The following GPHB5 variants were observed in gnomAD, a reference collection of about 807,000 sequenced individuals.
GPHB5 encodes glycoprotein hormone subunit beta 5, also known as glycoprotein hormone beta-5.
Under a neutral mutation model 10.1 loss-of-function variants are expected in GPHB5, and 7 were observed. That is an observed-to-expected ratio of 0.69 (90% CI 0.39 to 1.30). The LOEUF is 1.30. Among genes scored for constraint, GPHB5 ranks in the 50% most tolerant of loss-of-function variants. GPHB5 has a pLI of 0.01. For synonymous variants in GPHB5, 68 were observed against 70.1 expected, an observed-to-expected ratio of 0.97 and a Z score of 0.15; for missense variants, 161 against 169.8, an observed-to-expected ratio of 0.95 and a Z score of 0.29.
chr14:63,318,591 T>C (rs907479028), intron 1 of GPHB5, among the ~76,000 whole-genome samples: 6 of 152,354 alleles, frequency 3.9e-5, no homozygotes, highest in African/African-American at 9.6e-5. Context: ...CCACCCTCTC[T>C]GGGTCTTGGT....
intron 2 of GPHB5, among the ~76,000 whole-genome samples, chr14:63,315,268 T>C (rs1210346063): frequency 6.6e-6 from 1 of 152,138 alleles, no homozygotes; most frequent in Non-Finnish European, 1.5e-5. Context: ...AACTGTTTTC[T>C]CCTACCTTCC....
Position 63,315,611 on chromosome 14 carries a change from T to C in GPHB5, c.204+2035A>G, listed in dbSNP as rs535687624. ...ATAGCTATTTTCAACAACCTTCAAA[T>C]GTAAATCCAGCCAGCCTGTCATCAT... On this transcript the variant is annotated intron_variant, in intron 2 of 2. Coordinates refer to ENST00000621500, the MANE Select transcript of GPHB5 (RefSeq NM_145171.4). 4.6e-5 allele frequency among the ~76,000 whole-genome samples: 7 copies of C among 152,312 alleles called. 1 individual carries two copies. In the South Asian group the frequency reaches 1.5e-3, roughly 32 times the overall value.
At position 63,317,921 on chromosome 14, in the gene GPHB5, C is replaced by G; in HGVS notation, c.-1-71G>C. On this transcript the variant is annotated intron_variant, in intron 1 of 2. Coordinates refer to ENST00000621500, the MANE Select transcript of GPHB5 (RefSeq NM_145171.4). ...GCCTTCAATGGCACAGCCAACCATG[C>G]ATTTGTCACTATCAAAGGGACCTTG... 2.2e-6 allele frequency: 3 copies of G among 1,385,238 alleles called. No homozygotes were observed. In the Admixed American group the frequency reaches 5.7e-5, roughly 26 times the overall value. The allele number at this position is 1,385,238 out of a possible 1,614,324, so 85.8% of individuals were successfully genotyped here. A position where few individuals can be genotyped will look rare whatever the true frequency, so the allele number is the denominator to read the frequency against.
At chr14:63,314,492 C>G (rs1882733726) in intron 2 of GPHB5, among the ~76,000 whole-genome samples, 1 of 151,288 alleles carries the variant, frequency 6.6e-6, no homozygotes, top group Non-Finnish European at 1.5e-5. Context: ...GCAATCTCAG[C>G]TCATTGCAAT....
Position 63,313,199 on chromosome 14 carries a change from A to G in GPHB5, c.205-83T>C, listed in dbSNP as rs574998580. ...TTTTAGTATCATTTATCACTATCAG[A>G]AATTAACTTGTTATTCGTTGATTTA... On this transcript the variant is annotated intron_variant, in intron 2 of 2. Transcript: ENST00000621500. The G allele has an allele frequency of 1.8e-5, 22 of 1,195,692 alleles. No homozygotes were observed. The East Asian group carries it at 2.6e-4, about 14-fold the overall frequency. 74.1% of individuals were successfully genotyped at this position (1,195,692 alleles called of 1,614,324 possible). A position where few individuals can be genotyped will look rare whatever the true frequency, so the allele number is the denominator to read the frequency against.
chr14:63,316,657 G>A (rs1189273478), intron 2 of GPHB5, among the ~76,000 whole-genome samples: 4 of 152,214 alleles, frequency 2.6e-5, no homozygotes, highest in South Asian at 2.1e-4. Context: ...AGGGATATGA[G>A]GGAAGGAACA....
rs536665506 is a variant in GPHB5 at position 63,317,708 on chromosome 14, G to A, written c.142C>T (p.Pro48Ser). Reference sequence around the variant, plus strand: ...GTGATCCGAAGGCCCCTGCAGCCTGGCTTCTTGGCCAGGAAAGTAAACTCC... The same window carrying A: ...GTGATCCGAAGGCCCCTGCAGCCTGACTTCTTGGCCAGGAAAGTAAACTCC... ...VREFTFLAKK[P>S]GCRGLRITTD... Residue 48 changes from proline to serine, a missense_variant, in exon 2 of 3, where the codon CCA becomes TCA. Physicochemically the swap from Pro to Ser is moderately conservative, Grantham distance 74 (BLOSUM62 -1). Coordinates refer to ENST00000621500, the MANE Select transcript of GPHB5 (RefSeq NM_145171.4). 5 of 1,614,010 alleles carry A rather than the reference G, an allele frequency of 3.1e-6. No individual in the cohort carries two copies. The Admixed American group carries it at 6.7e-5, about 22-fold the overall frequency.
At chr14:63,316,252 T>C (rs753618944) in intron 2 of GPHB5, among the ~76,000 whole-genome samples, 47 of 152,234 alleles carry the variant, frequency 3.1e-4, no homozygotes, top group Non-Finnish European at 6.0e-4. Flanking sequence ...AGGGCCGTAA[T>C]TGTACCTAAG....
intron 2 of GPHB5, 56 bp from the exon 3 acceptor site, chr14:63,313,172 T>G: frequency 7.3e-7 from 1 of 1,361,054 alleles, no homozygotes; most frequent in Non-Finnish European, 1.0e-6. Context: ...CTTGTTTCAG[T>G]TTTTTAGTAT....
At chr14:63,315,583 G>A (rs1882758159) in intron 2 of GPHB5, among the ~76,000 whole-genome samples, 1 of 152,078 alleles carries the variant, frequency 6.6e-6, no homozygotes, top group African/African-American at 2.4e-5. Flanking sequence ...CAGATTATGA[G>A]GAATAGCTAT....
At chr14:63,314,778 G>C (rs1882739879) in intron 2 of GPHB5, among the ~76,000 whole-genome samples, 1 of 151,886 alleles carries the variant, frequency 6.6e-6, no homozygotes, top group Non-Finnish European at 1.5e-5. Context: ...GCTTTCAAAT[G>C]ACAGTACCTT....
At chr14:63,314,850 T>TGAA (rs35334533) in intron 2 of GPHB5, among the ~76,000 whole-genome samples, 41,330 of 151,280 alleles carry the variant, frequency 0.27, 6,193 homozygotes, top group African/African-American at 0.4. Flanking sequence ...TAACTCAAGA[T>TGAA]GTTCTTGCAT....
At chr14:63,318,125 T>C (rs774616989) in intron 1 of GPHB5, among the ~76,000 whole-genome samples, 1 of 152,232 alleles carries the variant, frequency 6.6e-6, no homozygotes, top group Non-Finnish European at 1.5e-5. Flanking sequence ...TGCAGTTGAC[T>C]TGTGTGTTAA....
chr14:63,316,843 G>A (rs1882779432), intron 2 of GPHB5, among the ~76,000 whole-genome samples: 1 of 152,174 alleles, frequency 6.6e-6, no homozygotes, highest in Non-Finnish European at 1.5e-5. Context: ...GGGCCAGGGA[G>A]TGACAAGATC....
At chr14:63,315,629 GTCA>G (rs1882758993) in intron 2 of GPHB5, among the ~76,000 whole-genome samples, 1 of 152,170 alleles carries the variant, frequency 6.6e-6, no homozygotes, top group African/African-American at 2.4e-5. Context: ...CAGCCAGCCT[GTCA>G]TCATGAACAT....
intron 2 of GPHB5, among the ~76,000 whole-genome samples, chr14:63,313,858 C>G (rs1468043036): frequency 1.3e-5 from 2 of 152,090 alleles, no homozygotes; most frequent in Non-Finnish European, 2.9e-5. Flanking sequence ...CTTCCCATCC[C>G]CCATCTTGCT....
intron 2 of GPHB5, among the ~76,000 whole-genome samples, chr14:63,315,705 C>T (rs771461297): frequency 4.6e-5 from 7 of 152,280 alleles, no homozygotes; most frequent in South Asian, 2.1e-4. Context: ...TGCTTTATAG[C>T]GCAGAAACTT....
At chr14:63,314,514 G>T (rs369119691) in intron 2 of GPHB5, among the ~76,000 whole-genome samples, 1 of 147,824 alleles carries the variant, frequency 6.8e-6, no homozygotes, top group Non-Finnish European at 1.5e-5. Flanking sequence ...TCCGCCTCCC[G>T]GGTTCACGCC....
chr14:63,317,887 G>C (rs1179054312), intron 1 of GPHB5, 37 bp from the exon 2 acceptor site: 27 of 1,591,528 alleles, frequency 1.7e-5, no homozygotes, highest in Non-Finnish European at 2.3e-5. Context: ...GAGTTTAACA[G>C]ATCTGGCTGC....
Sources: allele counts gnomAD v4.1 joint callset (sites outside exome capture counted in the v4.1 genomes callset), GRCh38; gene constraint gnomAD v4.1.1; transcripts MANE v1.5; gene names NCBI Gene and HGNC (gene_info 2026-07-23, HGNC 2026-07-21).